Variants in DISP1 observed in about 807,000 individuals in gnomAD.
DISP1 encodes the protein dispatched RND transporter family member 1, also known as protein dispatched homolog 1.
In DISP1, 30 loss-of-function variants were observed where a neutral mutation model predicts 37.3. That is an observed-to-expected ratio of 0.80 (90% CI 0.60 to 1.09). DISP1 has a LOEUF of 1.09. Ranked by LOEUF, DISP1 falls within the 50% of genes least tolerant of loss-of-function variation. DISP1 has a pLI of 0.00. For synonymous variants in DISP1, 634 were observed against 690.2 expected (o/e 0.92, Z 1.28); for missense variants, 1,598 against 1,879.5 (o/e 0.85, Z 2.77).
At chr1:222,946,341 G>A (rs1425068531) in intron 3 of DISP1, among the ~76,000 whole-genome samples, 1 of 139,086 alleles carries the variant, frequency 7.2e-6, no homozygotes, top group Admixed American at 7.7e-5. Context: ...CTGAGATCAC[G>A]CCACTGCACT....
At chr1:222,939,969 A>G (rs956846291) in intron 2 of DISP1, among the ~76,000 whole-genome samples, 1 of 151,960 alleles carries the variant, frequency 6.6e-6, no homozygotes, top group Non-Finnish European at 1.5e-5. Flanking sequence ...ACTAAAAAAT[A>G]TGAAAAATTA....
At chr1:222,930,394 C>CT (rs772604420) in intron 2 of DISP1, among the ~76,000 whole-genome samples, 11 of 152,062 alleles carry the variant, frequency 7.2e-5, no homozygotes, top group Admixed American at 1.3e-4. Context: ...GCTCCTTAGC[C>CT]TGTCAGCCTT....
At chr1:222,929,726 A>G (rs1199121041) in intron 2 of DISP1, among the ~76,000 whole-genome samples, 2 of 152,068 alleles carry the variant, frequency 1.3e-5, no homozygotes, top group Admixed American at 6.6e-5. Flanking sequence ...ACACATTTCT[A>G]CTTTCTAAAA....
chr1:222,871,739 A>G (rs964330441), intron 1 of DISP1, among the ~76,000 whole-genome samples: 2 of 152,202 alleles, frequency 1.3e-5, no homozygotes, highest in African/African-American at 4.8e-5. Context: ...GCAAACAGGG[A>G]CAATTTGACT....
intron 1 of DISP1, among the ~76,000 whole-genome samples, chr1:222,915,596 C>G (rs992886592): frequency 1.2e-4 from 18 of 152,196 alleles, no homozygotes; most frequent in Middle Eastern, 3.2e-3. Context: ...GGGCAGATGC[C>G]TTAATTTAGG....
chr1:222,872,697 C>G (rs1027165677), intron 1 of DISP1, among the ~76,000 whole-genome samples: 1 of 152,042 alleles, frequency 6.6e-6, no homozygotes, highest in Non-Finnish European at 1.5e-5. Flanking sequence ...AGCAGTCTAT[C>G]AATTTTGTTG....
chr1:222,976,022 T>G (rs1677298466), intron 3 of DISP1, among the ~76,000 whole-genome samples: 1 of 151,986 alleles, frequency 6.6e-6, no homozygotes, highest in South Asian at 2.1e-4. Context: ...TCCTTGGGCC[T>G]TTTCCCAGCA....
intron 1 of DISP1, among the ~76,000 whole-genome samples, chr1:222,883,098 T>G (rs1670370341): frequency 6.6e-6 from 1 of 152,186 alleles, no homozygotes; most frequent in South Asian, 2.1e-4. Flanking sequence ...TTTTTTGTTT[T>G]TAAACATATT....
intron 3 of DISP1, among the ~76,000 whole-genome samples, chr1:222,977,949 G>A (rs1677513264): frequency 6.6e-6 from 1 of 152,102 alleles, no homozygotes; most frequent in Admixed American, 6.6e-5. Context: ...TGGACATTTG[G>A]GTTGGTTCCA....
chr1:222,949,643 T>A (rs1396432399), intron 3 of DISP1, among the ~76,000 whole-genome samples: 1 of 152,218 alleles, frequency 6.6e-6, no homozygotes, highest in Non-Finnish European at 1.5e-5. Context: ...TTGTTTCTTT[T>A]TGAGACAGAG....
intron 1 of DISP1, among the ~76,000 whole-genome samples, chr1:222,836,513 G>C (rs1260341333): frequency 6.6e-6 from 1 of 152,084 alleles, no homozygotes; most frequent in East Asian, 1.9e-4. Flanking sequence ...ATGAAAATCA[G>C]GAACCCAGGG....
At chr1:222,894,381 T>A (rs1671119831) in intron 1 of DISP1, among the ~76,000 whole-genome samples, 1 of 152,082 alleles carries the variant, frequency 6.6e-6, no homozygotes, top group South Asian at 2.1e-4. Context: ...CAGTGCCCCC[T>A]CGGGCTCCCT....
At chr1:222,953,075 G>C (rs1318881084) in intron 3 of DISP1, among the ~76,000 whole-genome samples, 3 of 152,156 alleles carry the variant, frequency 2.0e-5, no homozygotes, top group African/African-American at 4.8e-5. Context: ...TAAAAATGCA[G>C]TTTTTCTCCA....
rs546155946 is a variant in DISP1, at chr1:222,957,056, A to G, written c.509+13724A>G. Among the ~76,000 whole-genome samples, 28 of 151,886 alleles carry G rather than the reference A, an allele frequency of 1.8e-4. No individual in the cohort carries two copies. The South Asian group carries it at 5.8e-3, about 32-fold the overall frequency. On this transcript the variant is annotated intron_variant, in intron 3 of 8. Transcript: ENST00000675850. Reference sequence around the variant, plus strand: ...AAGGAAGAATGTTTCCTTTTAACCAAAGCTTTTTCAATCATTTAAAAAGAC... The same window carrying G: ...AAGGAAGAATGTTTCCTTTTAACCAGAGCTTTTTCAATCATTTAAAAAGAC...
At chr1:222,922,221 T>G (rs185959804) in intron 1 of DISP1, among the ~76,000 whole-genome samples, 4 of 152,026 alleles carry the variant, frequency 2.6e-5, no homozygotes, top group African/African-American at 9.6e-5. Flanking sequence ...ATGTTTAAAC[T>G]AGTGGGGGAG....
At chr1:222,940,471 T>G (rs1194798799) in intron 2 of DISP1, among the ~76,000 whole-genome samples, 2 of 152,246 alleles carry the variant, frequency 1.3e-5, no homozygotes, top group Admixed American at 6.5e-5. Flanking sequence ...CAGTTCGACA[T>G]GAGATTTGGG....
At chr1:222,966,889 C>T (rs2102620824) in intron 3 of DISP1, among the ~76,000 whole-genome samples, 1 of 152,272 alleles carries the variant, frequency 6.6e-6, no homozygotes. Flanking sequence ...TTAAAACTTC[C>T]TTCACCCTCT....
At position 222,936,795 on chromosome 1, in the gene DISP1, ATATAT is replaced by A. The variant is rs1158073813; in HGVS notation, c.-17-6006_-17-6002del. On this transcript the variant is annotated intron_variant, in intron 2 of 8. Transcript: ENST00000675850. ...ATATATATCATATATAATATATATA[ATATAT>A]TATATATATAAATTATATATAATAT... is the stretch of plus-strand genomic sequence containing the variant. Among the ~76,000 whole-genome samples, 63 of 45,994 alleles carry A rather than the reference ATATAT, an allele frequency of 1.4e-3. 3 individuals carry two copies. Among genetic ancestry groups the A allele is most frequent in the East Asian group, 0.012 (25 of 2,022 alleles). The allele number at this position is 45,994 out of a possible 152,430, so 30.2% of individuals were successfully genotyped here.
chr1:222,932,909 T>C (rs756797672), intron 2 of DISP1, among the ~76,000 whole-genome samples: 4 of 151,982 alleles, frequency 2.6e-5, no homozygotes, highest in Non-Finnish European at 5.9e-5. Context: ...ATCACTGATA[T>C]CATTTACCTG....
Sources: gnomAD v4.1 joint callset for allele counts (sites outside exome capture counted in the v4.1 genomes callset) on GRCh38, gnomAD v4.1.1 for gene constraint, MANE v1.5 for transcripts, NCBI Gene and HGNC (gene_info 2026-07-23, HGNC 2026-07-21) for gene names.